Variants in SERINC1 observed in about 807,000 individuals in gnomAD.
The protein encoded by SERINC1 is serine incorporator 1.
Under a neutral mutation model 52.9 loss-of-function variants are expected in SERINC1, and 38 were observed. That is an observed-to-expected ratio of 0.72 (90% CI 0.55 to 0.94). The LOEUF is 0.94. SERINC1 is among the 40% of genes least tolerant of loss of function. SERINC1 has a pLI of 0.00. For synonymous variants in SERINC1, 198 were observed against 183.1 expected, an observed-to-expected ratio of 1.08 and a Z score of -0.66; for missense variants, 471 against 533.9, an observed-to-expected ratio of 0.88 and a Z score of 1.16.
chr6:122,447,111 T>A lies in SERINC1; in HGVS notation c.995+10A>T. ...TTGTTTAAAGAAAAAAATTCCATAG[T>A]TTTTCCTACCTGGAATAAAATACAC... On this transcript the variant is annotated intron_variant, in intron 8 of 9. Coordinates refer to ENST00000339697, the MANE Select transcript of SERINC1 (RefSeq NM_020755.4). 1 of 1,605,858 alleles carries A rather than the reference T, an allele frequency of 6.2e-7. No individual in the cohort carries two copies. The highest frequency in any genetic ancestry group is 8.5e-7 in the Non-Finnish European group (1 of 1,175,864).
chr6:122,450,535 T>C (rs1321022971), intron 7 of SERINC1, among the ~76,000 whole-genome samples: 1 of 152,214 alleles, frequency 6.6e-6, no homozygotes, highest in Non-Finnish European at 1.5e-5. Flanking sequence ...TTAAATCTTA[T>C]TATTTAAGAA....
intron 1 of SERINC1, among the ~76,000 whole-genome samples, chr6:122,471,386 GA>G (rs1423847021): frequency 6.6e-6 from 1 of 151,384 alleles, no homozygotes; most frequent in Non-Finnish European, 1.5e-5. Context: ...CACGAAAAGG[GA>G]CCTCAAAGAA....
At chr6:122,470,268 T>A (rs1205825545) in intron 1 of SERINC1, among the ~76,000 whole-genome samples, 1 of 152,196 alleles carries the variant, frequency 6.6e-6, no homozygotes, top group Non-Finnish European at 1.5e-5. Context: ...ACACAGAAAC[T>A]AAAAGGCAGG....
chr6:122,468,565 T>C (rs952605789), intron 1 of SERINC1, among the ~76,000 whole-genome samples: 1 of 152,128 alleles, frequency 6.6e-6, no homozygotes, highest in Non-Finnish European at 1.5e-5. Context: ...TCAAGAAACA[T>C]TAAATTCAAT....
rs773424884 is a variant in SERINC1 at position 122,446,826 on chromosome 6, T to C, written c.1174A>G (p.Met392Val). 1 of 1,614,074 alleles carries C rather than the reference T, an allele frequency of 6.2e-7. No homozygotes were observed. The change falls in exon 9 of 10, where the codon ATG (methionine) becomes GTG (valine). Residue 392 changes from methionine (M) to valine (V), a missense_variant. Physicochemically the swap from Met to Val is conservative, Grantham distance 21. Transcript: ENST00000339697. ...VTYSYSFFHF[M>V]LFLASLYIMM... ...ATATAAAGTGAAGCCAGGAAAAGCA[T>C]GAAGTGAAAGAAGGAATAACTGTAA...
rs1347592803 is a variant in SERINC1 at position 122,451,677 on chromosome 6, C to T, written c.837G>A (p.Met279Ile). 8.2e-7 allele frequency: 1 copy of T among 1,214,352 alleles called. No homozygotes were observed. Among genetic ancestry groups the T allele is most frequent in the East Asian group, 3.0e-5 (1 of 33,442 alleles). The allele number at this position is 1,214,352 out of a possible 1,614,324, so 75.2% of individuals were successfully genotyped here. A position where few individuals can be genotyped will look rare whatever the true frequency, so the allele number is the denominator to read the frequency against. Residue 279 changes from methionine (M) to isoleucine (I), a missense_variant, in exon 7 of 10, where the codon ATG becomes ATA. By Grantham distance (10) the Met-to-Ile change is conservative. Transcript: ENST00000339697. The part of the protein sequence containing the change: ...VYTMYLTWSA[M>I]TNEPETNCNP... ...AATAAAACACACCTGGTTCATTGGTCATAGCTGACCATGTCAAATACATTG... is the reference window on the plus strand; with the variant it reads ...AATAAAACACACCTGGTTCATTGGTTATAGCTGACCATGTCAAATACATTG...
chr6:122,447,217 G>C lies in SERINC1; in HGVS notation c.899C>G (p.Thr300Arg). Residue 300 changes from threonine (T) to arginine (R), a missense_variant, in exon 8 of 10, where the codon ACA (threonine) becomes AGA (arginine). By Grantham distance (71) the Thr-to-Arg change is moderately conservative. Transcript: ENST00000339697. ...CTGCCCTTCCTTTGGGACAGTGCTTGTTGTATTGTAGCCAATTATGCTTAG... is the reference window on the plus strand; with the variant it reads ...CTGCCCTTCCTTTGGGACAGTGCTTCTTGTATTGTAGCCAATTATGCTTAG... ...SLLSIIGYNT[T>R]STVPKEGQSV... The C allele has an allele frequency of 6.2e-7, 1 of 1,612,620 alleles. No homozygotes were observed. The highest frequency in any genetic ancestry group is 8.5e-7 in the Non-Finnish European group (1 of 1,178,684).
intron 2 of SERINC1, 31 bp downstream of exon 2, chr6:122,458,489 A>T: frequency 6.5e-7 from 1 of 1,535,956 alleles, no homozygotes. Context: ...CTATAGCCTC[A>T]GTTAATCAAT....
Position 122,443,993 on chromosome 6 carries a change from T to G in SERINC1, c.*1051A>C, listed in dbSNP as rs1312291123. The G allele has an allele frequency of 2.0e-5, 3 of 152,014 alleles. No individual in the cohort carries two copies. The highest frequency in any genetic ancestry group is 4.4e-5 in the Non-Finnish European group (3 of 67,986). The allele number at this position is 152,014 out of a possible 1,614,324, so 9.4% of individuals were successfully genotyped here. A position where few individuals can be genotyped will look rare whatever the true frequency, so the allele number is the denominator to read the frequency against. On this transcript the variant is annotated 3_prime_UTR_variant, in exon 10 of 10. Transcript: ENST00000339697. Reference sequence around the variant, plus strand: ...CTTCCCTGTCAAAATTTTGCCTCCTTTGATTTTCAATATATATATATTTTT... The same window carrying G: ...CTTCCCTGTCAAAATTTTGCCTCCTGTGATTTTCAATATATATATATTTTT...
rs536676073 is a variant in SERINC1 at position 122,461,661 on chromosome 6, A to T, written c.40-2980T>A. On this transcript the variant is annotated intron_variant, in intron 1 of 9. Transcript: ENST00000339697. The stretch of plus-strand genomic sequence containing the variant: ...TACCCTAAAACTTAAAGTATAATAA[A>T]AAAAAAAAAGAATTTTATACTCAGT... Among the ~76,000 whole-genome samples the T allele has an allele frequency of 4.0e-4, 61 of 151,808 alleles. No individual in the cohort carries two copies. In the East Asian group the frequency reaches 9.3e-3, roughly 23 times the overall value.
intron 1 of SERINC1, among the ~76,000 whole-genome samples, chr6:122,468,301 G>A (rs1775220478): frequency 6.6e-6 from 1 of 152,100 alleles, no homozygotes; most frequent in Non-Finnish European, 1.5e-5. Context: ...ATTATTTGTT[G>A]TTGGGGGCTA....
At chr6:122,447,319 A>G (rs1774823665) in intron 7 of SERINC1, 54 bp from the exon 8 acceptor site, 1 of 1,436,360 alleles carries the variant, frequency 7.0e-7, no homozygotes, top group Admixed American at 1.9e-5. Flanking sequence ...GATGTTTTTC[A>G]GAGCAAACAA....
Position 122,454,162 on chromosome 6 carries a change from G to T in SERINC1, c.440C>A (p.Thr147Asn), listed in dbSNP as rs1052603819. The T allele has an allele frequency of 5.7e-6, 9 of 1,578,846 alleles. No homozygotes were observed. The highest frequency in any genetic ancestry group is 1.7e-4 in the Middle Eastern group (1 of 5,990). ...IIGAFFIPEGTFTTVWFYVGM... is the reference protein window; with the variant it reads ...IIGAFFIPEGNFTTVWFYVGM... ...AAAGGATTTCTTACCAGTTGTAAAAGTTCCTTCTGGAATGAAGAATGCCCC... is the reference window on the plus strand; with the variant it reads ...AAAGGATTTCTTACCAGTTGTAAAATTTCCTTCTGGAATGAAGAATGCCCC... The change falls in exon 4 of 10, where the codon ACT (threonine) becomes AAT (asparagine). Residue 147 changes from threonine (T) to asparagine (N), a missense_variant. Thr to Asn is a moderately conservative substitution (Grantham distance 65, BLOSUM62 0). Transcript: ENST00000339697.
At chr6:122,456,723 A>G (rs1179007549) in intron 2 of SERINC1, 73 bp from the exon 3 acceptor site, 1 of 1,146,810 alleles carries the variant, frequency 8.7e-7, no homozygotes, top group Non-Finnish European at 1.2e-6. Flanking sequence ...ATGTAATCAA[A>G]TAGTTTAAGT....
At chr6:122,465,217 C>G (rs959752899) in intron 1 of SERINC1, among the ~76,000 whole-genome samples, 1 of 152,084 alleles carries the variant, frequency 6.6e-6, no homozygotes, top group East Asian at 1.9e-4. Flanking sequence ...CAACACAATT[C>G]ATTTGGCAGA....
intron 1 of SERINC1, among the ~76,000 whole-genome samples, chr6:122,461,720 G>A (rs933657275): frequency 6.7e-6 from 1 of 149,268 alleles, no homozygotes; most frequent in African/African-American, 2.5e-5. Flanking sequence ...GCAAAATAAA[G>A]ACATTTTCAG....
In SERINC1 at chr6:122,451,884, A is replaced by G; in HGVS notation, c.759+4T>C. 1 of 1,515,544 alleles carries G rather than the reference A, an allele frequency of 6.6e-7. No homozygotes were observed. Among genetic ancestry groups the G allele is most frequent in the Non-Finnish European group, 8.8e-7 (1 of 1,135,726 alleles). 93.9% of individuals were successfully genotyped at this position (1,515,544 alleles called of 1,614,324 possible). On this transcript the variant is annotated splice_donor_region_variant and intron_variant, in intron 6 of 9. Coordinates refer to ENST00000339697, the MANE Select transcript of SERINC1 (RefSeq NM_020755.4). Reference sequence around the variant, plus strand: ...CATAAAAACTAATGCTTTAAAGGGCATACTTGGATTTTTGGCAGTATAGAC... The same window carrying G: ...CATAAAAACTAATGCTTTAAAGGGCGTACTTGGATTTTTGGCAGTATAGAC...
At chr6:122,456,134 C>G (rs913017232) in intron 3 of SERINC1, among the ~76,000 whole-genome samples, 1 of 152,126 alleles carries the variant, frequency 6.6e-6, no homozygotes, top group African/African-American at 2.4e-5. Flanking sequence ...AAAATCTGCT[C>G]TCTGGGTCTA....
chr6:122,456,729 T>A, intron 2 of SERINC1, 79 bp from the exon 3 acceptor site: 1 of 1,084,854 alleles, frequency 9.2e-7, no homozygotes, highest in Non-Finnish European at 1.3e-6. Context: ...TCAAATAGTT[T>A]AAGTAAAGGT....
Sources: gnomAD v4.1 joint callset for allele counts (sites outside exome capture counted in the v4.1 genomes callset) on GRCh38, gnomAD v4.1.1 for gene constraint, MANE v1.5 for transcripts, NCBI Gene and HGNC (gene_info 2026-07-23, HGNC 2026-07-21) for gene names.